Variants in RBPMS observed in about 807,000 individuals in gnomAD.
RBPMS encodes RNA binding protein, mRNA processing factor.
A neutral mutation model predicts 26.8 loss-of-function variants in RBPMS; 7 were observed. The observed-to-expected ratio is 0.26, with a 90% CI of 0.15 to 0.49. The LOEUF (loss-of-function observed/expected upper bound fraction) is 0.49, where lower values mean the gene tolerates loss of function less well. RBPMS is among the 20% of genes least tolerant of loss of function. The pLI is 0.98. For synonymous variants in RBPMS, 96 were observed against 93.3 expected (o/e 1.03, Z -0.17); for missense variants, 186 against 250.0 (o/e 0.74, Z 1.73).
chr8:30,494,139 G>T (rs1178071122), intron 4 of RBPMS, among the ~76,000 whole-genome samples: 2 of 152,176 alleles, frequency 1.3e-5, no homozygotes, highest in Non-Finnish European at 2.9e-5. Flanking sequence ...ACAGACATGG[G>T]GCAGGAGAAG....
At chr8:30,389,832 A>G (rs1419557716) in intron 1 of RBPMS, among the ~76,000 whole-genome samples, 1 of 152,166 alleles carries the variant, frequency 6.6e-6, no homozygotes, top group African/African-American at 2.4e-5. Flanking sequence ...TATGTATTAT[A>G]CATATGTGGT....
At chr8:30,442,876 A>G (rs1813268805) in intron 1 of RBPMS, 2 of 152,214 alleles carry the variant, frequency 1.3e-5, no homozygotes, top group African/African-American at 4.8e-5. Context: ...CGGGTGACCG[A>G]TGCCTGAACT....
intron 1 of RBPMS, among the ~76,000 whole-genome samples, chr8:30,433,507 C>A (rs1812148344): frequency 6.6e-6 from 1 of 152,134 alleles, no homozygotes; most frequent in South Asian, 2.1e-4. Flanking sequence ...CCTGTCTCTA[C>A]TAACATTACA....
At chr8:30,487,098 G>C (rs893387814) in intron 4 of RBPMS, among the ~76,000 whole-genome samples, 1 of 152,172 alleles carries the variant, frequency 6.6e-6, no homozygotes, top group Admixed American at 6.5e-5. Flanking sequence ...GCTAGATCTT[G>C]TTTTGGCTGC....
intron 5 of RBPMS, among the ~76,000 whole-genome samples, chr8:30,523,346 C>T (rs1823250819): frequency 6.7e-6 from 1 of 149,318 alleles, no homozygotes; most frequent in South Asian, 2.1e-4. Flanking sequence ...CACTGCATTC[C>T]AGCCTGGGCA....
chr8:30,476,979 A>G (rs946540677), intron 2 of RBPMS, among the ~76,000 whole-genome samples: 44 of 152,174 alleles, frequency 2.9e-4, no homozygotes, highest in Admixed American at 1.2e-3. Flanking sequence ...TAAGTTAGCA[A>G]AGTAACTCAA....
At chr8:30,539,611 T>C (rs1430084189) in intron 5 of RBPMS, among the ~76,000 whole-genome samples, 2 of 151,302 alleles carry the variant, frequency 1.3e-5, no homozygotes, top group Non-Finnish European at 2.9e-5. Flanking sequence ...TTTTTTTTAA[T>C]CTTTTTTTTA....
rs532062679 is a variant in RBPMS, at chr8:30,556,664, A to G, written c.529-2223A>G. On this transcript the variant is annotated intron_variant, in intron 6 of 8. Coordinates refer to ENST00000397323, the MANE Select transcript of RBPMS (RefSeq NM_001008710.3). Reference sequence around the variant, plus strand: ...CCCTCTACTGTGTGTTTAGGTGTCCAGCCCCCCACCTGCCATGGGGGCTCT... The same window carrying G: ...CCCTCTACTGTGTGTTTAGGTGTCCGGCCCCCCACCTGCCATGGGGGCTCT... The G allele has an allele frequency of 1.1e-5, 11 of 986,054 alleles. No homozygotes were observed. In the South Asian group the frequency reaches 4.7e-4, roughly 42 times the overall value. The allele number at this position is 986,054 out of a possible 1,614,324, so 61.1% of individuals were successfully genotyped here.
chr8:30,466,838 A>G (rs986886804), intron 1 of RBPMS, among the ~76,000 whole-genome samples: 1 of 151,868 alleles, frequency 6.6e-6, no homozygotes, highest in East Asian at 1.9e-4. Flanking sequence ...CAGGTGATCC[A>G]CCTGCCTCGG....
chr8:30,487,208 T>G (rs1208801207), intron 4 of RBPMS, among the ~76,000 whole-genome samples: 1 of 151,744 alleles, frequency 6.6e-6, no homozygotes, highest in Non-Finnish European at 1.5e-5. Context: ...GCAGCACATT[T>G]TGGCAGCTTA....
chr8:30,525,720 CT>C (rs1393636979), intron 5 of RBPMS, among the ~76,000 whole-genome samples: 2 of 152,218 alleles, frequency 1.3e-5, no homozygotes, highest in African/African-American at 4.8e-5. Flanking sequence ...AGGTAGGTGA[CT>C]CTAGTACAGA....
intron 1 of RBPMS, chr8:30,445,364 C>T (rs1042869475): frequency 2.6e-5 from 4 of 152,072 alleles, no homozygotes; most frequent in African/African-American, 9.7e-5. Flanking sequence ...ATCTTGCTAT[C>T]CTTGTGTCTG....
intron 1 of RBPMS, among the ~76,000 whole-genome samples, chr8:30,435,193 A>G (rs189074735): frequency 6.6e-6 from 1 of 152,330 alleles, no homozygotes; most frequent in Admixed American, 6.5e-5. Flanking sequence ...TGTTTCATGA[A>G]CACAATTACT....
intron 4 of RBPMS, among the ~76,000 whole-genome samples, chr8:30,493,044 A>C (rs1382474427): frequency 1.3e-5 from 2 of 152,214 alleles, no homozygotes; most frequent in African/African-American, 4.8e-5. Flanking sequence ...TGCTTTGTTG[A>C]GGCAAACCCA....
chr8:30,555,860 C>T, intron 6 of RBPMS: 1 of 984,620 alleles, frequency 1.0e-6, no homozygotes, highest in Non-Finnish European at 1.2e-6. Context: ...AAGAGAGAAC[C>T]CTCTCCTCAT....
intron 1 of RBPMS, among the ~76,000 whole-genome samples, chr8:30,457,217 T>G (rs2150765779): frequency 6.6e-6 from 1 of 152,340 alleles, no homozygotes; most frequent in East Asian, 1.9e-4. Context: ...TTTTGGAAAC[T>G]GCCCGAGATG....
At chr8:30,521,580 G>A (rs1353507579) in intron 5 of RBPMS, among the ~76,000 whole-genome samples, 10 of 152,178 alleles carry the variant, frequency 6.6e-5, no homozygotes, top group Non-Finnish European at 1.3e-4. Flanking sequence ...GGTTATTATC[G>A]TATAAAATTA....
intron 5 of RBPMS, among the ~76,000 whole-genome samples, chr8:30,523,586 T>A (rs1237513853): frequency 6.7e-6 from 1 of 150,364 alleles, no homozygotes; most frequent in Non-Finnish European, 1.5e-5. Context: ...GTGCCAGGGC[T>A]TTAGGGTGAG....
intron 1 of RBPMS, among the ~76,000 whole-genome samples, chr8:30,409,034 A>G (rs889835880): frequency 2.0e-5 from 3 of 151,774 alleles, no homozygotes; most frequent in African/African-American, 7.3e-5. Flanking sequence ...TACCTTTCCC[A>G]TTGTTTGAAT....
Sources: gnomAD v4.1 joint callset for allele counts (sites outside exome capture counted in the v4.1 genomes callset) on GRCh38, gnomAD v4.1.1 for gene constraint, MANE v1.5 for transcripts, NCBI Gene and HGNC (gene_info 2026-07-23, HGNC 2026-07-21) for gene names.